NRXN3: variants seen among roughly 807,000 people sequenced by gnomAD.
The protein encoded by NRXN3 is neurexin 3.
NRXN3 carries 32 observed loss-of-function variants against 137.6 expected under a neutral mutation model. That is an observed-to-expected ratio of 0.23 (90% CI 0.18 to 0.31). NRXN3 has a LOEUF of 0.31. Ranked by LOEUF, NRXN3 falls within the 10% of genes least tolerant of loss-of-function variation. The pLI is 1.00. For synonymous variants in NRXN3, 798 were observed against 784.5 expected (o/e 1.02, Z -0.29); for missense variants, 1,574 against 2,062.5 (o/e 0.76, Z 4.59).
intron 8 of NRXN3, among the ~76,000 whole-genome samples, chr14:78,739,827 T>A (rs1026721402): frequency 1.3e-5 from 2 of 152,144 alleles, no homozygotes; most frequent in Non-Finnish European, 2.9e-5. Context: ...AGGCCTGGTG[T>A]GGACCAATCA....
chr14:79,519,768 CTTT>C (rs200757761), intron 16 of NRXN3, among the ~76,000 whole-genome samples: 35 of 119,354 alleles, frequency 2.9e-4, no homozygotes, highest in Non-Finnish European at 4.7e-4. Flanking sequence ...AATAGTATTT[CTTT>C]TTTTTTTTTT....
intron 15 of NRXN3, among the ~76,000 whole-genome samples, chr14:79,057,306 A>C (rs1450498981): frequency 6.6e-6 from 1 of 152,226 alleles, no homozygotes; most frequent in Admixed American, 6.5e-5. Flanking sequence ...GTGATCAAAT[A>C]CGTAAGGTGA....
intron 15 of NRXN3, among the ~76,000 whole-genome samples, chr14:79,252,779 A>C (rs2076106497): frequency 6.6e-6 from 1 of 152,194 alleles, no homozygotes; most frequent in African/African-American, 2.4e-5. Context: ...TTTTCCACTC[A>C]CTTGTGGAGC....
chr14:79,856,711 A>G (rs1257178166), intron 20 of NRXN3, among the ~76,000 whole-genome samples: 1 of 151,256 alleles, frequency 6.6e-6, no homozygotes, highest in Non-Finnish European at 1.5e-5. Flanking sequence ...TTTTTTATAC[A>G]CTGTCTTTTT....
chr14:78,620,777 A>G (rs956398974), intron 4 of NRXN3, among the ~76,000 whole-genome samples: 1 of 152,226 alleles, frequency 6.6e-6, no homozygotes, highest in Admixed American at 6.5e-5. Flanking sequence ...ACCTCAGGTG[A>G]GAGCTACAGT....
intron 15 of NRXN3, among the ~76,000 whole-genome samples, chr14:79,016,291 TAGA>T (rs1347826628): frequency 6.6e-6 from 1 of 152,210 alleles, no homozygotes; most frequent in Non-Finnish European, 1.5e-5. Context: ...TGGTTTGGTT[TAGA>T]AGGTTTTCTT....
intron 16 of NRXN3, among the ~76,000 whole-genome samples, chr14:79,467,618 A>G (rs866442003): frequency 7.2e-5 from 11 of 152,224 alleles, no homozygotes; most frequent in African/African-American, 2.2e-4. Context: ...GAGGAAAAAG[A>G]AATTCATTCT....
intron 4 of NRXN3, among the ~76,000 whole-genome samples, chr14:78,392,967 G>T (rs1212435369): frequency 2.0e-5 from 3 of 152,120 alleles, no homozygotes; most frequent in Non-Finnish European, 4.4e-5. Context: ...GTGGGTGAAA[G>T]GAGGGGAGAT....
At chr14:79,780,317 C>T (rs1448174062) in intron 19 of NRXN3, among the ~76,000 whole-genome samples, 2 of 151,910 alleles carry the variant, frequency 1.3e-5, no homozygotes, top group Non-Finnish European at 2.9e-5. Context: ...AAATCTTTTA[C>T]CAGCTGGGCA....
At chr14:79,103,757 C>A (rs757790923) in intron 15 of NRXN3, among the ~76,000 whole-genome samples, 2 of 152,162 alleles carry the variant, frequency 1.3e-5, no homozygotes, top group Non-Finnish European at 2.9e-5. Context: ...TCTCCAGCCT[C>A]ATTTTGAGGT....
intron 4 of NRXN3, among the ~76,000 whole-genome samples, chr14:78,488,592 G>A (rs1220284879): frequency 6.6e-6 from 1 of 152,002 alleles, no homozygotes; most frequent in Non-Finnish European, 1.5e-5. Flanking sequence ...AAATATTGTG[G>A]GTGGGGGGAA....
intron 15 of NRXN3, among the ~76,000 whole-genome samples, chr14:79,095,076 A>C (rs2050049564): frequency 6.6e-6 from 1 of 151,746 alleles, no homozygotes; most frequent in African/African-American, 2.4e-5. Context: ...CTGAACTCCT[A>C]AGCATTCAGA....
intron 15 of NRXN3, among the ~76,000 whole-genome samples, chr14:79,282,650 A>G (rs889513905): frequency 6.6e-6 from 1 of 152,080 alleles, no homozygotes; most frequent in Non-Finnish European, 1.5e-5. Context: ...TACATCTGAT[A>G]AGGTTCAGTG....
intron 15 of NRXN3, among the ~76,000 whole-genome samples, chr14:79,446,715 T>C (rs1372568662): frequency 2.6e-5 from 4 of 152,160 alleles, no homozygotes; most frequent in African/African-American, 4.8e-5. Context: ...TCCTTTAAAG[T>C]ACTTTAAAGA....
chr14:78,252,705 C>T (rs1299505690), intron 2 of NRXN3, among the ~76,000 whole-genome samples: 1 of 152,194 alleles, frequency 6.6e-6, no homozygotes, highest in East Asian at 1.9e-4. Flanking sequence ...GCAAGCAGTA[C>T]ATTTCAGGCA....
At chr14:78,939,976 A>C (rs555685674) in intron 10 of NRXN3, among the ~76,000 whole-genome samples, 1 of 152,198 alleles carries the variant, frequency 6.6e-6, no homozygotes, top group Non-Finnish European at 1.5e-5. Context: ...TAAATAATGC[A>C]GCAAACACAC....
intron 15 of NRXN3, among the ~76,000 whole-genome samples, chr14:79,055,163 C>T (rs934395881): frequency 1.6e-4 from 24 of 152,146 alleles, no homozygotes; most frequent in Admixed American, 1.2e-3. Context: ...TCCACCAAAT[C>T]GGAACTTCAT....
In NRXN3 at chr14:79,646,774, T is replaced by C. The variant is rs2098454998; in HGVS notation, c.3445-17004T>C. On this transcript the variant is annotated intron_variant, in intron 16 of 20. Coordinates refer to ENST00000335750, the MANE Select transcript of NRXN3 (RefSeq NM_001330195.2). The stretch of plus-strand genomic sequence containing the variant: ...ATGCTATAAGACAACTGCTCTTCTC[T>C]GAAAAGAAACTACTGGAATCACACT... 1.5e-5 allele frequency among the ~76,000 whole-genome samples: 2 copies of C among 135,908 alleles called. 1 individual carries two copies. Among genetic ancestry groups the C allele is most frequent in the Non-Finnish European group, 3.4e-5 (2 of 58,414 alleles). 89.2% of individuals were successfully genotyped at this position (135,908 alleles called of 152,430 possible).
At chr14:79,406,966 G>T (rs1028075079) in intron 15 of NRXN3, among the ~76,000 whole-genome samples, 1 of 152,172 alleles carries the variant, frequency 6.6e-6, no homozygotes, top group African/African-American at 2.4e-5. Flanking sequence ...AGGTGGAAAT[G>T]ATTGCTTTAT....
Sources: gnomAD v4.1 joint callset for allele counts (sites outside exome capture counted in the v4.1 genomes callset) on GRCh38, gnomAD v4.1.1 for gene constraint, MANE v1.5 for transcripts, NCBI Gene and HGNC (gene_info 2026-07-23, HGNC 2026-07-21) for gene names.